UBE2U: variants seen among roughly 807,000 people sequenced by gnomAD.
UBE2U encodes the protein ubiquitin conjugating enzyme E2 U, also known as ubiquitin-conjugating enzyme E2 U.
In UBE2U, 39 loss-of-function variants were observed where a neutral mutation model predicts 41.2. The ratio of observed to expected loss-of-function variants is 0.95; its 90% CI spans 0.73 to 1.24. UBE2U has a LOEUF of 1.24. Among genes scored for constraint, UBE2U ranks in the 50% most tolerant of loss-of-function variants. The pLI, the probability that UBE2U is intolerant of heterozygous loss-of-function variation, is 0.00. For synonymous variants in UBE2U, 107 were observed against 117.8 expected, an observed-to-expected ratio of 0.91 and a Z score of 0.60; for missense variants, 336 against 363.1, an observed-to-expected ratio of 0.93 and a Z score of 0.61.
At chr1:64,241,791 C>T (rs1352790956) in intron 8 of UBE2U, 58 bp downstream of exon 8, 1 of 1,307,148 alleles carries the variant, frequency 7.7e-7, no homozygotes, top group Non-Finnish European at 1.1e-6. Flanking sequence ...TATTATTCCA[C>T]TTTCTACTAT....
intron 3 of UBE2U, among the ~76,000 whole-genome samples, chr1:64,208,603 C>CAAAAAAAAAAAAAAAAAAA (rs56972795): frequency 8.2e-5 from 3 of 36,464 alleles, no homozygotes; most frequent in African/African-American, 1.2e-4. Flanking sequence ...GACGCTGTCT[C>CAAAAAAAAAAAAAAAAAAA]AAAAAAAAAA....
At chr1:64,241,365 T>C (rs1027538092) in intron 7 of UBE2U, among the ~76,000 whole-genome samples, 1 of 152,198 alleles carries the variant, frequency 6.6e-6, no homozygotes, top group African/African-American at 2.4e-5. Context: ...AAAACAATGG[T>C]CTCCTATAAA....
chr1:64,251,708 G>A (rs1460897183), intron 8 of UBE2U, among the ~76,000 whole-genome samples: 2 of 152,158 alleles, frequency 1.3e-5, no homozygotes, highest in African/African-American at 4.8e-5. Context: ...TTTGCAACTC[G>A]TGGATCAGGA....
chr1:64,212,790 ATTTCAGAT>A (rs1460961636), intron 4 of UBE2U, among the ~76,000 whole-genome samples: 1 of 152,122 alleles, frequency 6.6e-6, no homozygotes, highest in Non-Finnish European at 1.5e-5. Flanking sequence ...GGTATTTAGG[ATTTCAGAT>A]TTTCAGATTT....
At chr1:64,260,496 G>T (rs1645164001) in intron 8 of UBE2U, 107 bp from the exon 9 acceptor site, 1 of 813,916 alleles carries the variant, frequency 1.2e-6, no homozygotes, top group Admixed American at 2.7e-5. Context: ...AAAGCCTATT[G>T]TTCTACTTTT....
chr1:64,258,853 G>C (rs1645138388), intron 8 of UBE2U, among the ~76,000 whole-genome samples: 1 of 152,090 alleles, frequency 6.6e-6, no homozygotes, highest in South Asian at 2.1e-4. Flanking sequence ...GGGATTGCTG[G>C]ATCAAATGGT....
chr1:64,231,153 C>T (rs1644556709), intron 6 of UBE2U, among the ~76,000 whole-genome samples: 1 of 147,216 alleles, frequency 6.8e-6, no homozygotes, highest in Non-Finnish European at 1.5e-5. Context: ...AAACAGAAAG[C>T]CCCTGAAGGC....
chr1:64,238,836 AT>A (rs1275288810), intron 7 of UBE2U, among the ~76,000 whole-genome samples: 1 of 151,886 alleles, frequency 6.6e-6, no homozygotes, highest in Non-Finnish European at 1.5e-5. Context: ...GAGCCCAGGA[AT>A]TTGAGATCAC....
intron 5 of UBE2U, among the ~76,000 whole-genome samples, chr1:64,218,753 C>T (rs1652204623): frequency 6.6e-6 from 1 of 152,210 alleles, no homozygotes; most frequent in Non-Finnish European, 1.5e-5. Context: ...TTTATAAATA[C>T]TTGCCACAGA....
intron 5 of UBE2U, 80 bp from the exon 6 acceptor site, chr1:64,220,779 A>C (rs1222069827): frequency 2.4e-5 from 24 of 1,016,932 alleles, no homozygotes. Flanking sequence ...CATTTTATTG[A>C]GGCTTTGGAA....
intron 8 of UBE2U, among the ~76,000 whole-genome samples, chr1:64,253,846 C>T (rs1303895893): frequency 6.6e-6 from 1 of 152,138 alleles, no homozygotes; most frequent in African/African-American, 2.4e-5. Flanking sequence ...TATGAAGCAA[C>T]CACATAAACA....
chr1:64,205,841 C>A, intron 2 of UBE2U, 121 bp downstream of exon 2: 1 of 628,514 alleles, frequency 1.6e-6, no homozygotes, highest in Non-Finnish European at 2.6e-6. Context: ...TCTTCATATG[C>A]ATAAGTTTGC....
chr1:64,230,538 GCT>G (rs1644543884), intron 6 of UBE2U, among the ~76,000 whole-genome samples: 1 of 151,948 alleles, frequency 6.6e-6, no homozygotes, highest in Admixed American at 6.6e-5. Context: ...TGCACGCCAT[GCT>G]CTCTCCCATC....
intron 7 of UBE2U, among the ~76,000 whole-genome samples, chr1:64,239,469 T>C (rs1041922284): frequency 1.1e-4 from 17 of 151,846 alleles, no homozygotes; most frequent in African/African-American, 4.1e-4. Context: ...GCTGCACCCA[T>C]TAACTTATCA....
At chr1:64,223,408 G>A (rs1157740018) in intron 6 of UBE2U, among the ~76,000 whole-genome samples, 1 of 152,110 alleles carries the variant, frequency 6.6e-6, no homozygotes, top group African/African-American at 2.4e-5. Context: ...AAGACCACAG[G>A]GAAGGTATCA....
At chr1:64,240,842 A>G (rs1277062753) in intron 7 of UBE2U, among the ~76,000 whole-genome samples, 3 of 152,048 alleles carry the variant, frequency 2.0e-5, no homozygotes, top group Non-Finnish European at 4.4e-5. Context: ...GCTCACTGCA[A>G]CCTCTGACTA....
At position 64,203,781 on chromosome 1, in the gene UBE2U, C is replaced by G. The variant is rs1651117917; in HGVS notation, c.-270C>G. 2.8e-6 allele frequency: 1 copy of G among 354,568 alleles called. No individual in the cohort carries two copies. The highest frequency in any genetic ancestry group is 5.1e-6 in the Non-Finnish European group (1 of 196,276). 22.0% of individuals were successfully genotyped at this position (354,568 alleles called of 1,614,324 possible). On this transcript the variant is annotated 5_prime_UTR_variant, in exon 1 of 10. Coordinates refer to ENST00000371077, the MANE Select transcript of UBE2U (RefSeq NM_001366232.2). ...CATCCAAGTTTGTCTTGAGACTGGG[C>G]TGTGAGCCGGCACTGCAGTGAAACG...
rs146218254 is a variant in UBE2U at position 64,254,942 on chromosome 1, T to C, written c.678-5661T>C. Among the ~76,000 whole-genome samples the C allele has an allele frequency of 2.3e-4, 35 of 151,800 alleles. No individual in the cohort carries two copies. In the East Asian group the frequency reaches 6.0e-3, roughly 26 times the overall value. ...AAGATCAGAGTGGAACTGAATGAGA[T>C]AGAGACACAAAAAACCCTTAAAAAA... On this transcript the variant is annotated intron_variant, in intron 8 of 9. Coordinates refer to ENST00000371077, the MANE Select transcript of UBE2U (RefSeq NM_001366232.2).
intron 5 of UBE2U, among the ~76,000 whole-genome samples, chr1:64,216,695 G>A (rs1168996959): frequency 6.6e-6 from 1 of 152,232 alleles, no homozygotes; most frequent in Admixed American, 6.5e-5. Context: ...AGCCTGGTAT[G>A]TGATATGCAG....
Sources: allele counts gnomAD v4.1 joint callset (sites outside exome capture counted in the v4.1 genomes callset), GRCh38; gene constraint gnomAD v4.1.1; transcripts MANE v1.5; gene names NCBI Gene and HGNC (gene_info 2026-07-23, HGNC 2026-07-21).